Variants in TDRD15 observed in about 807,000 individuals in gnomAD.
The protein encoded by TDRD15 is tudor domain-containing protein 15.
For synonymous variants in TDRD15, 503 were observed against 314.5 expected (o/e 1.60, Z -6.34); for missense variants, 1,416 against 904.7 (o/e 1.57, Z -7.25).
downstream of TDRD15, among the ~76,000 whole-genome samples, chr2:21,145,073 G>C (rs746769460): frequency 6.6e-6 from 1 of 151,928 alleles, no homozygotes; most frequent in African/African-American, 2.4e-5. Context: ...AGTCAGAAGA[G>C]CAAAGAGGCT....
rs1470579561 is a variant in TDRD15 at position 21,138,614 on chromosome 2, G to C, written c.1147G>C (p.Val383Leu). 1.3e-5 allele frequency: 9 copies of C among 713,188 alleles called. No individual in the cohort carries two copies. In the East Asian group the frequency reaches 2.4e-4, roughly 19 times the overall value. 44.2% of individuals were successfully genotyped at this position (713,188 alleles called of 1,614,324 possible). ...IFKQALLGQV[V>L]YAHIDWFNKD... ...TAAACAGGCCTTATTAGGACAAGTG[G>C]TATATGCACACATTGATTGGTTCAA... The change falls in exon 4 of 4, where the codon GTA becomes CTA. Residue 383 changes from valine (V) to leucine (L), a missense_variant. Transcript: ENST00000405799.
rs1665865020 is a variant in TDRD15, at chr2:21,138,881, C to T, written c.1414C>T (p.Pro472Ser). Reference sequence around the variant, plus strand: ...AAAAGGCATTTTAAAAGTAGGTTTTCCCATTAAAACAGTACAAATGGAGAT... The same window carrying T: ...AAAAGGCATTTTAAAAGTAGGTTTTTCCATTAAAACAGTACAAATGGAGAT... ...NKKGILKVGF[P>S]IKTVQMEIEA... Residue 472 changes from proline (P) to serine (S), a missense_variant, in exon 4 of 4, where the codon CCC becomes TCC. Pro to Ser is a moderately conservative substitution (Grantham distance 74, BLOSUM62 -1). Transcript: ENST00000405799. 2.8e-6 allele frequency: 2 copies of T among 715,566 alleles called. No individual in the cohort carries two copies. The highest frequency in any genetic ancestry group is 5.2e-6 in the Non-Finnish European group (2 of 384,016). The allele number at this position is 715,566 out of a possible 1,614,324, so 44.3% of individuals were successfully genotyped here.
At chr2:21,131,267 A>G (rs375009552) in intron 2 of TDRD15, among the ~76,000 whole-genome samples, 12 of 152,184 alleles carry the variant, frequency 7.9e-5, no homozygotes, top group African/African-American at 2.2e-4. Context: ...AGGTAATGTA[A>G]TATGTCGACA....
At chr2:21,130,924 A>G (rs1239562017) in intron 2 of TDRD15, among the ~76,000 whole-genome samples, 1 of 152,198 alleles carries the variant, frequency 6.6e-6, no homozygotes, top group African/African-American at 2.4e-5. Flanking sequence ...TTAATATTCC[A>G]TGTGGTGAAA....
In TDRD15 at chr2:21,139,391, CA is replaced by C. The variant is rs1322284647; in HGVS notation, c.1927del (p.Ser643ValfsTer25). The C allele has an allele frequency of 9.8e-6, 7 of 710,764 alleles. No individual in the cohort carries two copies. The highest frequency in any genetic ancestry group is 2.6e-6 in the Non-Finnish European group (1 of 382,946). 44.0% of individuals were successfully genotyped at this position (710,764 alleles called of 1,614,324 possible). On this transcript the variant is annotated frameshift_variant, in exon 4 of 4. Coordinates refer to ENST00000405799, the MANE Select transcript of TDRD15 (RefSeq NM_001306137.2). LOFTEE classifies it low-confidence loss of function (END_TRUNC). ...KKDDKYTVNI[Q>X]SVEASENIDV... Reference sequence around the variant, plus strand: ...AGATGACAAGTACACTGTAAATATTCAAAGTGTTGAAGCCTCAGAAAATATT... The same window carrying C: ...AGATGACAAGTACACTGTAAATATTCAAGTGTTGAAGCCTCAGAAAATATT...
chr2:21,141,152 T>C lies in TDRD15; in HGVS notation c.3685T>C (p.Leu1229=). The C allele has an allele frequency of 1.4e-6, 1 of 714,234 alleles. No individual in the cohort carries two copies. The highest frequency in any genetic ancestry group is 2.6e-6 in the Non-Finnish European group (1 of 383,588). The allele number at this position is 714,234 out of a possible 1,614,324, so 44.2% of individuals were successfully genotyped here. A position where few individuals can be genotyped will look rare whatever the true frequency, so the allele number is the denominator to read the frequency against. Residue 1229 remains leucine, a synonymous_variant, in exon 4 of 4, where the codon TTG becomes CTG. Coordinates refer to ENST00000405799, the MANE Select transcript of TDRD15 (RefSeq NM_001306137.2). Reference sequence around the variant, plus strand: ...GTCAAAAAACAAAATGAAGACTTCTTTGAATGATGGGCTTAAAGGTATAAA... The same window carrying C: ...GTCAAAAAACAAAATGAAGACTTCTCTGAATGATGGGCTTAAAGGTATAAA... ...PVSKNKMKTS[L]NDGLKGIKIV...
chr2:21,141,848 T>C lies in TDRD15; in HGVS notation c.4381T>C (p.Cys1461Arg). ...AGTAAATATGATTTGTGATGAAAAA[T>C]GTGTCATTAATGAACTACTGAAATG... ...WEVNMICDEK[C>R]VINELLKWKA... is the part of the protein sequence containing the mutation. The change falls in exon 4 of 4, where the codon TGT becomes CGT. Residue 1461 changes from cysteine (C) to arginine (R), a missense_variant. By Grantham distance (180) the Cys-to-Arg change is radical (BLOSUM62 -3). Coordinates refer to ENST00000405799, the MANE Select transcript of TDRD15 (RefSeq NM_001306137.2). The C allele has an allele frequency of 1.4e-6, 1 of 715,176 alleles. No homozygotes were observed. The allele number at this position is 715,176 out of a possible 1,614,324, so 44.3% of individuals were successfully genotyped here.
In TDRD15 at chr2:21,144,065, A is replaced by G. The variant is rs1028876089; in HGVS notation, c.*793A>G. Among the ~76,000 whole-genome samples, 1 of 151,772 alleles carries G rather than the reference A, an allele frequency of 6.6e-6. No individual in the cohort carries two copies. The highest frequency in any genetic ancestry group is 2.4e-5 in the African/African-American group (1 of 41,400). On this transcript the variant is annotated 3_prime_UTR_variant, in exon 4 of 4. Coordinates refer to ENST00000405799, the MANE Select transcript of TDRD15 (RefSeq NM_001306137.2). ...TTGAAGAATCATTTTTCTGTTATAT[A>G]TAGTTTTATATCATATGAAATGTCT...
Position 21,139,126 on chromosome 2 carries a change from C to T in TDRD15, c.1659C>T (p.Ile553=). Residue 553 remains isoleucine (I), a synonymous_variant, in exon 4 of 4, where the codon ATC becomes ATT. Transcript: ENST00000405799. The part of the protein sequence containing the change: ...SKDRRFYRAV[I]TEINGYKINV... ...ACAGACGTTTTTACAGAGCTGTCAT[C>T]ACTGAAATTAATGGTTATAAGATTA... 1 of 713,370 alleles carries T rather than the reference C, an allele frequency of 1.4e-6. No homozygotes were observed. Among genetic ancestry groups the T allele is most frequent in the Non-Finnish European group, 2.6e-6 (1 of 383,460 alleles). The allele number at this position is 713,370 out of a possible 1,614,324, so 44.2% of individuals were successfully genotyped here. A position where few individuals can be genotyped will look rare whatever the true frequency, so the allele number is the denominator to read the frequency against.
Position 21,140,699 on chromosome 2 carries a change from A to T in TDRD15, c.3232A>T (p.Ile1078Phe), listed in dbSNP as rs1478730342. ...PELLFTPMQA[I>F]KCFLSDLRDV... ...GTTGTTGTTTACACCTATGCAAGCT[A>T]TTAAGTGTTTTTTGTCAGATCTTAG... The change falls in exon 4 of 4, where the codon ATT (isoleucine) becomes TTT (phenylalanine). Residue 1078 changes from isoleucine to phenylalanine, a missense_variant. Ile to Phe is a conservative substitution (Grantham distance 21). Coordinates refer to ENST00000405799, the MANE Select transcript of TDRD15 (RefSeq NM_001306137.2). 1 of 713,938 alleles carries T rather than the reference A, an allele frequency of 1.4e-6. No individual in the cohort carries two copies. The highest frequency in any genetic ancestry group is 2.6e-6 in the Non-Finnish European group (1 of 383,182). The allele number at this position is 713,938 out of a possible 1,614,324, so 44.2% of individuals were successfully genotyped here.
chr2:21,130,655 G>A (rs764562252), intron 2 of TDRD15, among the ~76,000 whole-genome samples: 10 of 151,876 alleles, frequency 6.6e-5, no homozygotes, highest in South Asian at 2.1e-4. Context: ...TTATTTCCCC[G>A]TGAATAAACT....
intron 2 of TDRD15, among the ~76,000 whole-genome samples, chr2:21,131,400 C>T (rs897562398): frequency 2.0e-5 from 3 of 152,120 alleles, no homozygotes; most frequent in African/African-American, 7.2e-5. Flanking sequence ...TAAGATAATA[C>T]AAAAAGTTCC....
At chr2:21,129,199 G>A (rs1665660763) in intron 2 of TDRD15, among the ~76,000 whole-genome samples, 2 of 152,018 alleles carry the variant, frequency 1.3e-5, no homozygotes, top group Admixed American at 1.3e-4. Flanking sequence ...ACTAAGAATG[G>A]TCCTGTCCAA....
intron 1 of TDRD15, among the ~76,000 whole-genome samples, chr2:21,126,018 G>C (rs1432402659): frequency 6.6e-6 from 1 of 151,708 alleles, no homozygotes; most frequent in Non-Finnish European, 1.5e-5. Context: ...GTGTATGTGT[G>C]TGTGTGTGTG....
chr2:21,133,484 A>G (rs1032244287), intron 2 of TDRD15, among the ~76,000 whole-genome samples: 1 of 152,146 alleles, frequency 6.6e-6, no homozygotes, highest in Admixed American at 6.6e-5. Context: ...AATAATGTAC[A>G]TAGTGAACTG....
Position 21,138,227 on chromosome 2 carries a change from A to G in TDRD15, c.760A>G (p.Ser254Gly). ...AAAGGTATCATCTGCATTGAGCCCA[A>G]GTAAATTTTATTGTCAGTTAATTAA... The part of the protein sequence containing the change: ...SVKVSSALSP[S>G]KFYCQLIKWT... The change falls in exon 4 of 4, where the codon AGT (serine) becomes GGT (glycine). Residue 254 changes from serine to glycine, a missense_variant. Coordinates refer to ENST00000405799, the MANE Select transcript of TDRD15 (RefSeq NM_001306137.2). 2.8e-6 allele frequency: 2 copies of G among 716,204 alleles called. No individual in the cohort carries two copies. The highest frequency in any genetic ancestry group is 2.6e-6 in the Non-Finnish European group (1 of 384,344). 44.4% of individuals were successfully genotyped at this position (716,204 alleles called of 1,614,324 possible).
At chr2:21,136,616 G>A (rs1269425827) in intron 3 of TDRD15, among the ~76,000 whole-genome samples, 1 of 152,014 alleles carries the variant, frequency 6.6e-6, no homozygotes, top group Non-Finnish European at 1.5e-5. Context: ...TTAACTCAGA[G>A]TCAAGGAAGA....
Position 21,140,151 on chromosome 2 carries a change from G to A in TDRD15, c.2684G>A (p.Arg895Lys). The change falls in exon 4 of 4, where the codon AGA becomes AAA. Residue 895 changes from arginine (R) to lysine (K), a missense_variant. Arg to Lys is a conservative substitution (Grantham distance 26). Transcript: ENST00000405799. ...TTGTGGAATTTTATCTCTTCATCTA[G>A]AGGGTTATTGACTTGTATCATCTAT... ...RDLWNFISSS[R>K]GLLTCIIYAL... 1 of 715,768 alleles carries A rather than the reference G, an allele frequency of 1.4e-6. No homozygotes were observed. The highest frequency in any genetic ancestry group is 2.0e-5 in the Admixed American group (1 of 49,910). 44.3% of individuals were successfully genotyped at this position (715,768 alleles called of 1,614,324 possible). A position where few individuals can be genotyped will look rare whatever the true frequency, so the allele number is the denominator to read the frequency against.
intron 2 of TDRD15, among the ~76,000 whole-genome samples, chr2:21,131,765 A>AT (rs1665722724): frequency 6.6e-6 from 1 of 152,182 alleles, no homozygotes; most frequent in Admixed American, 6.5e-5. Flanking sequence ...TGGGTTTAGT[A>AT]TTTTTAAATG....
Sources: gnomAD v4.1 joint callset for allele counts (sites outside exome capture counted in the v4.1 genomes callset) on GRCh38, gnomAD v4.1.1 for gene constraint, MANE v1.5 for transcripts, NCBI Gene and HGNC (gene_info 2026-07-23, HGNC 2026-07-21) for gene names.